The following LNX2 variants were observed in gnomAD, a reference collection of about 807,000 sequenced individuals.
LNX2 encodes the protein ligand of numb-protein X 2.
In LNX2, 35 loss-of-function variants were observed where a neutral mutation model predicts 66.2. That is an observed-to-expected ratio of 0.53 (90% CI 0.40 to 0.70). LNX2 has a LOEUF of 0.70. LNX2 is among the 30% of genes least tolerant of loss of function. The pLI, the probability that LNX2 is intolerant of heterozygous loss-of-function variation, is 0.00. For missense variants in LNX2, 791 were observed against 850.8 expected, an observed-to-expected ratio of 0.93 and a Z score of 0.87; for synonymous variants, 337 against 315.6, an observed-to-expected ratio of 1.07 and a Z score of -0.72.
intron 2 of LNX2, among the ~76,000 whole-genome samples, chr13:27,579,052 T>C (rs1955371587): frequency 6.6e-6 from 1 of 152,208 alleles, no homozygotes; most frequent in African/African-American, 2.4e-5. Context: ...CATGGTTCTG[T>C]TTCTAAAGGA....
Position 27,567,642 on chromosome 13 carries a change from G to A in LNX2, c.853C>T (p.Gln285Ter), listed in dbSNP as rs753746214. 2.5e-6 allele frequency: 4 copies of A among 1,613,166 alleles called. No homozygotes were observed. Among genetic ancestry groups the A allele is most frequent in the African/African-American group, 1.3e-5 (1 of 74,898 alleles). ...GRLLAGDQIL[Q>*]VNNYNISNVS... is the part of the protein sequence containing the mutation. ...AACAGAATAATTAAAACTGATACCT[G>A]AAGAATCTGGTCTCCAGCAAGAAGT... The change falls in exon 4 of 10, where the codon CAG becomes TAG. Residue 285 changes from glutamine (Q) to a stop codon, truncating the protein, a stop_gained and splice_region_variant. Coordinates refer to ENST00000316334, the MANE Select transcript of LNX2 (RefSeq NM_153371.4). LOFTEE classifies it high-confidence loss of function.
chr13:27,590,336 T>TGC, intron 1 of LNX2, among the ~76,000 whole-genome samples: 1 of 152,202 alleles, frequency 6.6e-6, no homozygotes, highest in South Asian at 2.1e-4. Context: ...CTGCAACCTC[T>TGC]GCCTCCTGAG....
intron 1 of LNX2, among the ~76,000 whole-genome samples, chr13:27,606,599 T>C (rs913374672): frequency 6.6e-6 from 1 of 152,182 alleles, no homozygotes. Flanking sequence ...GTATGAGTTT[T>C]AAAATATCTA....
intron 4 of LNX2, among the ~76,000 whole-genome samples, chr13:27,564,922 C>T (rs1955186498): frequency 6.6e-6 from 1 of 152,138 alleles, no homozygotes; most frequent in South Asian, 2.1e-4. Context: ...TTACTTGGCT[C>T]CAACACACCA....
intron 1 of LNX2, among the ~76,000 whole-genome samples, chr13:27,616,193 G>A (rs7333271): frequency 1.3e-5 from 2 of 150,478 alleles, no homozygotes; most frequent in Non-Finnish European, 3.0e-5. Context: ...GGGTTGGGGG[G>A]GGTAGCAGGG....
intron 3 of LNX2, 121 bp from the exon 4 acceptor site, chr13:27,567,960 C>T: frequency 1.3e-6 from 1 of 789,702 alleles, no homozygotes. Flanking sequence ...AACAGCTAAG[C>T]AGTATCACTG....
At chr13:27,614,432 C>T (rs1171508676) in intron 1 of LNX2, among the ~76,000 whole-genome samples, 1 of 151,454 alleles carries the variant, frequency 6.6e-6, no homozygotes, top group Non-Finnish European at 1.5e-5. Flanking sequence ...TTTCCCACAC[C>T]CCCATGATTG....
chr13:27,561,301 T>C (rs192614976), intron 5 of LNX2, among the ~76,000 whole-genome samples: 1 of 152,328 alleles, frequency 6.6e-6, no homozygotes, highest in East Asian at 1.9e-4. Flanking sequence ...ATCTTATTGA[T>C]CTGGCCTCTC....
rs1298153891 is a variant in LNX2, at chr13:27,548,608, G to T, written c.1938-138C>A. 4.2e-6 allele frequency: 4 copies of T among 942,500 alleles called. No homozygotes were observed. In the East Asian group the frequency reaches 8.0e-5, roughly 19 times the overall value. 58.4% of individuals were successfully genotyped at this position (942,500 alleles called of 1,614,324 possible). ...ATGGTTAGGGTGTATAATCTACTTT[G>T]TCTGGGACAGCCCTTAAGCCTATGC... is the stretch of plus-strand genomic sequence containing the variant. On this transcript the variant is annotated intron_variant, in intron 9 of 9. Transcript: ENST00000316334.
intron 2 of LNX2, among the ~76,000 whole-genome samples, chr13:27,579,148 T>G (rs1342905745): frequency 1.3e-5 from 2 of 152,218 alleles, no homozygotes; most frequent in Non-Finnish European, 2.9e-5. Context: ...AATCAATATT[T>G]GCTGAATAAA....
chr13:27,556,151 T>A, intron 7 of LNX2, 85 bp downstream of exon 7: 1 of 1,290,372 alleles, frequency 7.7e-7, no homozygotes. Context: ...GTTTAATAGA[T>A]ACTTTGTAGA....
At chr13:27,588,412 G>A (rs1955515407) in intron 1 of LNX2, among the ~76,000 whole-genome samples, 1 of 152,132 alleles carries the variant, frequency 6.6e-6, no homozygotes, top group Non-Finnish European at 1.5e-5. Flanking sequence ...AGCGAAAAAA[G>A]CCAATGCTAA....
intron 1 of LNX2, among the ~76,000 whole-genome samples, chr13:27,583,005 G>A (rs1413811525): frequency 3.9e-5 from 6 of 151,968 alleles, no homozygotes; most frequent in African/African-American, 1.2e-4. Flanking sequence ...TCTGCATAGC[G>A]TATATAAATA....
At position 27,567,679 on chromosome 13, in the gene LNX2, G is replaced by A. The variant is rs770380575; in HGVS notation, c.816C>T (p.Ala272=). 3 of 1,613,906 alleles carry A rather than the reference G, an allele frequency of 1.9e-6. No homozygotes were observed. Among genetic ancestry groups the A allele is most frequent in the Non-Finnish European group, 2.5e-6 (3 of 1,179,964 alleles). The change falls in exon 4 of 10, where the codon GCC becomes GCT. Residue 272 remains alanine (A), a synonymous_variant. Coordinates refer to ENST00000316334, the MANE Select transcript of LNX2 (RefSeq NM_153371.4). The part of the protein sequence containing the change: ...IQEVYRDGVI[A]RDGRLLAGDQ... The stretch of plus-strand genomic sequence containing the variant: ...CTCCAGCAAGAAGTCTCCCGTCTCT[G>A]GCAATGACCCCATCCCGATAGACCT...
intron 1 of LNX2, among the ~76,000 whole-genome samples, chr13:27,588,739 T>G (rs993578848): frequency 2.6e-5 from 4 of 152,086 alleles, no homozygotes; most frequent in African/African-American, 9.7e-5. Context: ...TTACTGAAGC[T>G]CCCAAACAGC....
intron 2 of LNX2, among the ~76,000 whole-genome samples, chr13:27,571,105 A>G (rs1239754837): frequency 1.3e-5 from 2 of 152,220 alleles, no homozygotes; most frequent in African/African-American, 2.4e-5. Flanking sequence ...ACTCAGCATT[A>G]GAAGAGGAAG....
chr13:27,607,741 C>A (rs1955732826), intron 1 of LNX2, among the ~76,000 whole-genome samples: 1 of 152,178 alleles, frequency 6.6e-6, no homozygotes, highest in South Asian at 2.1e-4. Context: ...CCAGTTTTCA[C>A]TATTTAACCA....
intron 4 of LNX2, among the ~76,000 whole-genome samples, chr13:27,566,409 T>C (rs1457691383): frequency 6.6e-6 from 1 of 152,148 alleles, no homozygotes; most frequent in Non-Finnish European, 1.5e-5. Context: ...CAGCAACTAG[T>C]ATAGTGCCTA....
chr13:27,585,344 C>G (rs1276337058), intron 1 of LNX2, among the ~76,000 whole-genome samples: 1 of 151,892 alleles, frequency 6.6e-6, no homozygotes, highest in Non-Finnish European at 1.5e-5. Flanking sequence ...ATGGCATCAA[C>G]CTGGGAGGCG....
Sources: allele counts gnomAD v4.1 joint callset (sites outside exome capture counted in the v4.1 genomes callset), GRCh38; gene constraint gnomAD v4.1.1; transcripts MANE v1.5; gene names NCBI Gene and HGNC (gene_info 2026-07-23, HGNC 2026-07-21).